ZNF431: variants seen among roughly 807,000 people sequenced by gnomAD.
ZNF431 encodes the protein zinc finger protein 431.
ZNF431 carries 34 observed loss-of-function variants against 57.0 expected under a neutral mutation model. That is an observed-to-expected ratio of 0.60 (90% confidence interval 0.45 to 0.79). The LOEUF is 0.79. Among genes scored for constraint, ZNF431 ranks in the 30% least tolerant of loss-of-function variants. The pLI is 0.00. For synonymous variants in ZNF431, 207 were observed against 220.3 expected (o/e 0.94, Z 0.54); for missense variants, 607 against 667.1 (o/e 0.91, Z 0.99).
At chr19:21,151,483 A>G (rs1049077250) in intron 2 of ZNF431, among the ~76,000 whole-genome samples, 4 of 152,226 alleles carry the variant, frequency 2.6e-5, no homozygotes, top group Admixed American at 6.5e-5. Flanking sequence ...AGAAAATTCA[A>G]GGTGGTTCCT....
intron 2 of ZNF431, among the ~76,000 whole-genome samples, chr19:21,155,536 A>G (rs1374955132): frequency 1.3e-5 from 2 of 152,156 alleles, no homozygotes; most frequent in East Asian, 3.9e-4. Flanking sequence ...ACTTTAAAGT[A>G]GTTTTTTCCA....
chr19:21,145,846 A>C (rs186495402), intron 2 of ZNF431, among the ~76,000 whole-genome samples: 7 of 152,326 alleles, frequency 4.6e-5, no homozygotes, highest in African/African-American at 1.7e-4. Flanking sequence ...ACAGGATTAG[A>C]AAGAAGGTGG....
chr19:21,164,079 C>CAAA (rs34934773), intron 2 of ZNF431, among the ~76,000 whole-genome samples: 88 of 138,328 alleles, frequency 6.4e-4, no homozygotes, highest in South Asian at 3.6e-3. Context: ...AACTCCATCT[C>CAAA]AAAAAAAAAA....
At chr19:21,160,593 A>G (rs1179961737) in intron 2 of ZNF431, among the ~76,000 whole-genome samples, 1 of 152,188 alleles carries the variant, frequency 6.6e-6, no homozygotes, top group Non-Finnish European at 1.5e-5. Flanking sequence ...GTGGGCCCTC[A>G]GCCGTGGATC....
At position 21,191,314 on chromosome 19, in the gene ZNF431, G is replaced by T. The variant is rs141935285; in HGVS notation, c.*7280G>T. The T allele has an allele frequency of 6.6e-6, 1 of 152,098 alleles. No homozygotes were observed. 9.4% of individuals were successfully genotyped at this position (152,098 alleles called of 1,614,324 possible). ...CTAAAAATACAAATATTAGCCGGGC[G>T]TGGTTGCACGTGTCTATAATCTCAG... On this transcript the variant is annotated 3_prime_UTR_variant, in exon 5 of 5. Coordinates refer to ENST00000311048, the MANE Select transcript of ZNF431 (RefSeq NM_133473.4).
chr19:21,179,434 G>A (rs1971150197), intron 4 of ZNF431, among the ~76,000 whole-genome samples: 2 of 151,728 alleles, frequency 1.3e-5, no homozygotes, highest in African/African-American at 2.4e-5. Flanking sequence ...TGGTTTTCTC[G>A]TTCTTTTAGT....
rs151010592 is a variant in ZNF431, at chr19:21,154,477, C to T, written c.96+10834C>T. Among the ~76,000 whole-genome samples, 711 of 152,124 alleles carry T rather than the reference C, an allele frequency of 4.7e-3. 6 individuals carry two copies. The highest frequency in any genetic ancestry group is 0.016 in the African/African-American group (661 of 41,510). The stretch of plus-strand genomic sequence containing the variant: ...CTATTGTGAATAGTGCTGCAATAAA[C>T]ATATGTGTGCATGTGTCTTTATAGC... On this transcript the variant is annotated intron_variant, in intron 2 of 4. Transcript: ENST00000311048.
intron 2 of ZNF431, among the ~76,000 whole-genome samples, chr19:21,147,947 TTTATA>T (rs1369580833): frequency 2.0e-5 from 3 of 152,254 alleles, no homozygotes; most frequent in Non-Finnish European, 4.4e-5. Context: ...TTTTTACTAT[TTTATA>T]TTTGTGTATG....
intron 2 of ZNF431, among the ~76,000 whole-genome samples, chr19:21,160,281 CT>C (rs1466966316): frequency 6.6e-6 from 1 of 152,068 alleles, no homozygotes; most frequent in African/African-American, 2.4e-5. Flanking sequence ...CTTTTTAGAT[CT>C]TGTTCAATGA....
At chr19:21,181,078 C>T (rs752537013) in intron 4 of ZNF431, among the ~76,000 whole-genome samples, 21 of 151,692 alleles carry the variant, frequency 1.4e-4, no homozygotes, top group South Asian at 4.2e-4. Context: ...ATAATGATTT[C>T]TATTCTTGTA....
chr19:21,171,875 C>T (rs1218596326), intron 4 of ZNF431, among the ~76,000 whole-genome samples: 1 of 151,076 alleles, frequency 6.6e-6, no homozygotes, highest in Non-Finnish European at 1.5e-5. Context: ...CATCTGCCAC[C>T]ATGCCCGGCT....
At chr19:21,179,073 A>G (rs527857478) in intron 4 of ZNF431, among the ~76,000 whole-genome samples, 4 of 152,278 alleles carry the variant, frequency 2.6e-5, no homozygotes, top group East Asian at 3.9e-4. Flanking sequence ...CAGCGATTCA[A>G]CTTCTTCCTG....
At position 21,167,679 on chromosome 19, in the gene ZNF431, G is replaced by C. The variant is rs1267238566; in HGVS notation, c.319+13G>C. 2.0e-6 allele frequency: 3 copies of C among 1,495,546 alleles called. No homozygotes were observed. The African/African-American group carries it at 4.3e-5, about 22-fold the overall frequency. 92.6% of individuals were successfully genotyped at this position (1,495,546 alleles called of 1,614,324 possible). On this transcript the variant is annotated intron_variant, in intron 4 of 4. Coordinates refer to ENST00000311048, the MANE Select transcript of ZNF431 (RefSeq NM_133473.4). ...GATGAACCCCCAGGTAGGTGAGAGT[G>C]AAAAAAAACAGATGACACAGATGAG...
At chr19:21,160,278 G>T (rs1035460880) in intron 2 of ZNF431, among the ~76,000 whole-genome samples, 1 of 152,088 alleles carries the variant, frequency 6.6e-6, no homozygotes, top group Non-Finnish European at 1.5e-5. Context: ...AAGCTTTTTA[G>T]ATCTTGTTCA....
intron 4 of ZNF431, among the ~76,000 whole-genome samples, chr19:21,174,266 C>A (rs1040388079): frequency 6.6e-6 from 1 of 152,132 alleles, no homozygotes; most frequent in African/African-American, 2.4e-5. Context: ...TTAATACAGT[C>A]TATAATGCCT....
At position 21,185,827 on chromosome 19, in the gene ZNF431, C is replaced by T. The variant is rs1393371801; in HGVS notation, c.*1793C>T. 6.6e-6 allele frequency: 1 copy of T among 152,074 alleles called. No individual in the cohort carries two copies. Among genetic ancestry groups the T allele is most frequent in the Admixed American group, 6.6e-5 (1 of 15,260 alleles). The allele number at this position is 152,074 out of a possible 1,614,324, so 9.4% of individuals were successfully genotyped here. A position where few individuals can be genotyped will look rare whatever the true frequency, so the allele number is the denominator to read the frequency against. ...CAGGGTTAAGTAAGGCATCCATCAT[C>T]TGTAGCATTTCTCCTTTGTTTTACA... On this transcript the variant is annotated 3_prime_UTR_variant, in exon 5 of 5. Coordinates refer to ENST00000311048, the MANE Select transcript of ZNF431 (RefSeq NM_133473.4).
rs770415940 is a variant in ZNF431, at chr19:21,182,781, G to T, written c.478G>T (p.Gly160Cys). 31 of 1,613,636 alleles carry T rather than the reference G, an allele frequency of 1.9e-5. No individual in the cohort carries two copies. Among genetic ancestry groups the T allele is most frequent in the Non-Finnish European group, 2.2e-5 (26 of 1,179,840 alleles). ...AGATGAGTATAAGGTGCACAAAGAA[G>T]GTTATAATGAGCTAAACCAGTGTTT... ...SVDEYKVHKEGYNELNQCLTT... is the reference protein window; with the variant it reads ...SVDEYKVHKECYNELNQCLTT... Residue 160 changes from glycine (G) to cysteine (C), a missense_variant, in exon 5 of 5, where the codon GGT becomes TGT. Gly to Cys is a radical substitution (Grantham distance 159). Coordinates refer to ENST00000311048, the MANE Select transcript of ZNF431 (RefSeq NM_133473.4).
rs1392650827 is a variant in ZNF431 at position 21,154,434 on chromosome 19, C to G, written c.96+10791C>G. Among the ~76,000 whole-genome samples, 17 of 152,210 alleles carry G rather than the reference C, an allele frequency of 1.1e-4. No individual in the cohort carries two copies. The East Asian group carries it at 2.9e-3, about 26-fold the overall frequency. On this transcript the variant is annotated intron_variant, in intron 2 of 4. Transcript: ENST00000311048. Reference sequence around the variant, plus strand: ...CAGTCTATCATTGTTGGACATTTGGCTTGGTTCCAAGTCTTTGCTATTGTG... The same window carrying G: ...CAGTCTATCATTGTTGGACATTTGGGTTGGTTCCAAGTCTTTGCTATTGTG...
rs1482992686 is a variant in ZNF431 at position 21,191,044 on chromosome 19, C to T, written c.*7010C>T. On this transcript the variant is annotated 3_prime_UTR_variant, in exon 5 of 5. Transcript: ENST00000311048. ...CACATGTATAATTTGCAAATTTTTTCTCCCATGTTCTAGTTGTCACATTCT... is the reference window on the plus strand; with the variant it reads ...CACATGTATAATTTGCAAATTTTTTTTCCCATGTTCTAGTTGTCACATTCT... 2 of 152,072 alleles carry T rather than the reference C, an allele frequency of 1.3e-5. No individual in the cohort carries two copies. The highest frequency in any genetic ancestry group is 6.5e-5 in the Admixed American group (1 of 15,272). The allele number at this position is 152,072 out of a possible 1,614,324, so 9.4% of individuals were successfully genotyped here. A position where few individuals can be genotyped will look rare whatever the true frequency, so the allele number is the denominator to read the frequency against.
Sources: allele counts gnomAD v4.1 joint callset (sites outside exome capture counted in the v4.1 genomes callset), GRCh38; gene constraint gnomAD v4.1.1; transcripts MANE v1.5; gene names NCBI Gene and HGNC (gene_info 2026-07-23, HGNC 2026-07-21).